The following CPNE4 variants were observed in gnomAD, a reference collection of about 807,000 sequenced individuals.
The protein encoded by CPNE4 is copine 4.
CPNE4 carries 25 observed loss-of-function variants against 67.9 expected under a neutral mutation model. That is an observed-to-expected ratio of 0.37 (90% CI 0.27 to 0.51). The LOEUF is 0.51. Among genes scored for constraint, CPNE4 ranks in the 20% least tolerant of loss-of-function variants. The pLI, the probability that CPNE4 is intolerant of heterozygous loss-of-function variation, is 0.93. For synonymous variants in CPNE4, 242 were observed against 244.9 expected (o/e 0.99, Z 0.11); for missense variants, 464 against 690.8 (o/e 0.67, Z 3.68).
At chr3:131,825,862 C>T (rs1432455663) in intron 2 of CPNE4, among the ~76,000 whole-genome samples, 1 of 152,140 alleles carries the variant, frequency 6.6e-6, no homozygotes, top group Non-Finnish European at 1.5e-5. Context: ...AAAAGGAAAA[C>T]AGCAAGACAG....
intron 2 of CPNE4, among the ~76,000 whole-genome samples, chr3:131,898,452 T>C (rs2088419891): frequency 6.6e-6 from 1 of 152,128 alleles, no homozygotes; most frequent in South Asian, 2.1e-4. Context: ...TTCCTCTGGC[T>C]GATGAAATTA....
At chr3:131,679,375 C>A (rs1311505877) in intron 6 of CPNE4, among the ~76,000 whole-genome samples, 1 of 151,762 alleles carries the variant, frequency 6.6e-6, no homozygotes, top group South Asian at 2.1e-4. Context: ...TAAAAAAAAA[C>A]CTGCTCCTGG....
chr3:131,899,087 TTTAA>T (rs1230322535), intron 2 of CPNE4, among the ~76,000 whole-genome samples: 1 of 152,110 alleles, frequency 6.6e-6, no homozygotes, highest in Non-Finnish European at 1.5e-5. Context: ...GAGGGAATGT[TTTAA>T]TTGACTTAAT....
intron 2 of CPNE4, among the ~76,000 whole-genome samples, chr3:131,823,448 C>T (rs1168760276): frequency 1.3e-5 from 2 of 152,196 alleles, no homozygotes; most frequent in Non-Finnish European, 2.9e-5. Context: ...AAATCAGCCT[C>T]TTGGAGACTG....
At chr3:131,705,819 G>C (rs1342150476) in intron 3 of CPNE4, among the ~76,000 whole-genome samples, 2 of 152,222 alleles carry the variant, frequency 1.3e-5, no homozygotes, top group African/African-American at 4.8e-5. Context: ...GGAATGGAAG[G>C]AGGGTTTCAG....
chr3:131,848,973 A>AAAAC (rs1560458795), intron 2 of CPNE4, among the ~76,000 whole-genome samples: 1 of 150,026 alleles, frequency 6.7e-6, no homozygotes, highest in African/African-American at 2.5e-5. Context: ...AAAAAAAAAA[A>AAAAC]AAAAAAAAAC....
chr3:131,608,488 C>A (rs935022903), intron 7 of CPNE4, among the ~76,000 whole-genome samples: 3 of 152,098 alleles, frequency 2.0e-5, no homozygotes, highest in African/African-American at 7.2e-5. Flanking sequence ...GTACAAGGAG[C>A]AGCAAGTGTG....
intron 5 of CPNE4, among the ~76,000 whole-genome samples, chr3:131,694,746 T>G (rs2081110996): frequency 6.6e-6 from 1 of 152,154 alleles, no homozygotes; most frequent in African/African-American, 2.4e-5. Flanking sequence ...CATTCAGCCA[T>G]CTCATGTGCG....
intron 2 of CPNE4, among the ~76,000 whole-genome samples, chr3:131,861,529 C>T (rs1465740784): frequency 6.6e-6 from 1 of 151,906 alleles, no homozygotes; most frequent in Non-Finnish European, 1.5e-5. Context: ...CTCCCGGGTT[C>T]AAGCGGTTCT....
At chr3:131,889,306 G>C (rs2088015900) in intron 2 of CPNE4, among the ~76,000 whole-genome samples, 1 of 152,156 alleles carries the variant, frequency 6.6e-6, no homozygotes, top group Admixed American at 6.5e-5. Flanking sequence ...TCATTATCCT[G>C]TTAGCCAATT....
intron 2 of CPNE4, among the ~76,000 whole-genome samples, chr3:131,798,993 C>A (rs1423120652): frequency 2.0e-5 from 3 of 152,046 alleles, no homozygotes; most frequent in African/African-American, 7.2e-5. Flanking sequence ...TTAAATTGAA[C>A]TTGCATGTCC....
At chr3:131,954,695 T>C (rs2071887292) in intron 1 of CPNE4, among the ~76,000 whole-genome samples, 1 of 152,152 alleles carries the variant, frequency 6.6e-6, no homozygotes, top group Admixed American at 6.5e-5. Flanking sequence ...CCATCCTGTG[T>C]CCAAATGTTC....
intron 2 of CPNE4, among the ~76,000 whole-genome samples, chr3:131,733,307 A>C (rs1357755433): frequency 6.6e-6 from 1 of 152,188 alleles, no homozygotes; most frequent in Non-Finnish European, 1.5e-5. Context: ...AACCCTGAAA[A>C]GTCTCTTCAG....
chr3:131,722,289 C>G (rs974593353), intron 3 of CPNE4, among the ~76,000 whole-genome samples: 1 of 152,096 alleles, frequency 6.6e-6, no homozygotes, highest in African/African-American at 2.4e-5. Context: ...AATTTGGAAT[C>G]TCTCTTTGAG....
At chr3:131,646,546 G>T (rs7638682) in intron 7 of CPNE4, among the ~76,000 whole-genome samples, 24,743 of 152,138 alleles carry the variant, frequency 0.16, 3,488 homozygotes, top group African/African-American at 0.38. Flanking sequence ...GAAAGAGAGA[G>T]TCCTGCTGAG....
In CPNE4 at chr3:131,902,741, G is replaced by A. The variant is rs180938454; in HGVS notation, c.180+2523C>T. Among the ~76,000 whole-genome samples, 63 of 152,182 alleles carry A rather than the reference G, an allele frequency of 4.1e-4. No individual in the cohort carries two copies. In the East Asian group the frequency reaches 4.6e-3, roughly 11 times the overall value. On this transcript the variant is annotated intron_variant, in intron 2 of 15. Transcript: ENST00000429747. Reference sequence around the variant, plus strand: ...AATAATAGTTGAATTATGTTAACGGGTTAGAAGTAGATGGATTTCTTGCCT... The same window carrying A: ...AATAATAGTTGAATTATGTTAACGGATTAGAAGTAGATGGATTTCTTGCCT...
chr3:131,905,565 G>A, intron 1 of CPNE4, 121 bp from the exon 2 acceptor site: 1 of 858,640 alleles, frequency 1.2e-6, no homozygotes, highest in Non-Finnish European at 1.8e-6. Flanking sequence ...AACATTGAAG[G>A]TATTTATCTC....
chr3:131,723,263 C>A (rs1447636777), intron 3 of CPNE4, among the ~76,000 whole-genome samples, 183 bp downstream of exon 3: 2 of 152,130 alleles, frequency 1.3e-5, no homozygotes, highest in Non-Finnish European at 2.9e-5. Context: ...TACAGACTTG[C>A]AGAATCATCT....
intron 1 of CPNE4, among the ~76,000 whole-genome samples, chr3:131,927,636 A>G (rs1201454637): frequency 6.6e-6 from 1 of 152,222 alleles, no homozygotes; most frequent in Non-Finnish European, 1.5e-5. Context: ...TAACTGATGA[A>G]TTAATCAATC....
Sources: gnomAD v4.1 joint callset for allele counts (sites outside exome capture counted in the v4.1 genomes callset) on GRCh38, gnomAD v4.1.1 for gene constraint, MANE v1.5 for transcripts, NCBI Gene and HGNC (gene_info 2026-07-23, HGNC 2026-07-21) for gene names.